Variants in ITGB6 observed in about 807,000 individuals in gnomAD.
The protein encoded by ITGB6 is integrin beta-6.
Under a neutral mutation model 84.5 loss-of-function variants are expected in ITGB6, and 80 were observed. That is an observed-to-expected ratio of 0.95 (90% confidence interval 0.79 to 1.14). The LOEUF (loss-of-function observed/expected upper bound fraction) is 1.14. Ranked by LOEUF, ITGB6 falls within the 50% of genes most tolerant of loss-of-function variation. ITGB6 has a pLI of 0.00. For missense variants in ITGB6, 1,006 were observed against 968.0 expected (o/e 1.04, Z -0.52); for synonymous variants, 383 against 354.9 (o/e 1.08, Z -0.89).
At chr2:160,184,406 A>G (rs1218853375) in intron 4 of ITGB6, among the ~76,000 whole-genome samples, 1 of 152,220 alleles carries the variant, frequency 6.6e-6, no homozygotes, top group Non-Finnish European at 1.5e-5. Flanking sequence ...CTGGACACAT[A>G]CACCCTCCCA....
intron 13 of ITGB6, among the ~76,000 whole-genome samples, chr2:160,110,622 A>G (rs73010509): frequency 3.9e-5 from 6 of 152,272 alleles, no homozygotes; most frequent in African/African-American, 9.6e-5. Context: ...AAGAAAGAAG[A>G]TGAAAGAAGC....
intron 4 of ITGB6, among the ~76,000 whole-genome samples, chr2:160,189,801 C>A (rs1429116654): frequency 6.6e-6 from 1 of 152,106 alleles, no homozygotes; most frequent in East Asian, 1.9e-4. Flanking sequence ...TGTGGCGATG[C>A]CTCAGGGATC....
At chr2:160,163,566 A>T (rs1024268320) in intron 7 of ITGB6, among the ~76,000 whole-genome samples, 2 of 152,030 alleles carry the variant, frequency 1.3e-5, no homozygotes, top group Non-Finnish European at 2.9e-5. Context: ...CAGGAGGCGA[A>T]GGTTGCAGTG....
chr2:160,176,432 G>C (rs922464509), intron 4 of ITGB6, among the ~76,000 whole-genome samples: 1 of 152,104 alleles, frequency 6.6e-6, no homozygotes, highest in African/African-American at 2.4e-5. Flanking sequence ...GTCGCTTCCA[G>C]GTAATTTTTA....
intron 4 of ITGB6, among the ~76,000 whole-genome samples, chr2:160,177,304 C>G (rs868855861): frequency 6.6e-6 from 1 of 152,086 alleles, no homozygotes; most frequent in East Asian, 1.9e-4. Context: ...CTGTGGCTCA[C>G]GCCTGTAATC....
chr2:160,174,973 A>T (rs1446198422), intron 4 of ITGB6, among the ~76,000 whole-genome samples: 1 of 152,236 alleles, frequency 6.6e-6, no homozygotes, highest in East Asian at 1.9e-4. Flanking sequence ...AGACCTGCTG[A>T]GTTAGCTATG....
At chr2:160,134,532 G>A (rs1683622534) in intron 10 of ITGB6, among the ~76,000 whole-genome samples, 1 of 152,104 alleles carries the variant, frequency 6.6e-6, no homozygotes, top group Non-Finnish European at 1.5e-5. Flanking sequence ...AGAAAAAGGG[G>A]GAATCCTCCC....
chr2:160,189,862 C>A (rs1228522781), intron 4 of ITGB6, among the ~76,000 whole-genome samples: 2 of 152,030 alleles, frequency 1.3e-5, no homozygotes, highest in Non-Finnish European at 2.9e-5. Flanking sequence ...GGGTATATAC[C>A]CAAAGGATTC....
chr2:160,120,806 C>T (rs1218167163), intron 12 of ITGB6, among the ~76,000 whole-genome samples: 15 of 146,368 alleles, frequency 1.0e-4, no homozygotes, highest in Admixed American at 9.9e-4. Flanking sequence ...CAAACTATCG[C>T]AAGGACAGAA....
At chr2:160,130,472 C>T (rs1008656370) in intron 10 of ITGB6, among the ~76,000 whole-genome samples, 4 of 152,030 alleles carry the variant, frequency 2.6e-5, no homozygotes, top group South Asian at 4.1e-4. Flanking sequence ...TACTGTAAGT[C>T]GAGCAACACA....
Position 160,126,728 on chromosome 2 carries a change from A to C in ITGB6, c.1661-127T>G, listed in dbSNP as rs915229170. 267 of 841,568 alleles carry C rather than the reference A, an allele frequency of 3.2e-4. 1 individual carries two copies. Among genetic ancestry groups the C allele is most frequent in the Middle Eastern group, 3.7e-4 (1 of 2,734 alleles). 52.1% of individuals were successfully genotyped at this position (841,568 alleles called of 1,614,324 possible). On this transcript the variant is annotated intron_variant, in intron 10 of 14. Coordinates refer to ENST00000283249, the MANE Select transcript of ITGB6 (RefSeq NM_000888.5). Reference sequence around the variant, plus strand: ...AAAGACAAGAAAAAAATGAGAAAAAAAGTATGTGTGTGAGGGGTGCAGTAT... The same window carrying C: ...AAAGACAAGAAAAAAATGAGAAAAACAGTATGTGTGTGAGGGGTGCAGTAT...
At chr2:160,112,531 G>T (rs1050347016) in intron 12 of ITGB6, among the ~76,000 whole-genome samples, 2 of 152,136 alleles carry the variant, frequency 1.3e-5, no homozygotes, top group African/African-American at 4.8e-5. Flanking sequence ...ATGGTAATGA[G>T]GGGGCTATAG....
chr2:160,123,655 A>C, intron 12 of ITGB6, 136 bp downstream of exon 12: 1 of 629,556 alleles, frequency 1.6e-6, no homozygotes, highest in Non-Finnish European at 2.8e-6. Context: ...ACTCTTAAAA[A>C]ATGAATGTGA....
chr2:160,195,253 A>G, intron 4 of ITGB6, 116 bp downstream of exon 4: 1 of 1,337,544 alleles, frequency 7.5e-7, no homozygotes, highest in Non-Finnish European at 1.0e-6. Flanking sequence ...CTGAGATCCA[A>G]CCAGACAAGG....
intron 7 of ITGB6, among the ~76,000 whole-genome samples, chr2:160,162,129 A>C (rs1684840974): frequency 6.6e-6 from 1 of 152,184 alleles, no homozygotes; most frequent in African/African-American, 2.4e-5. Context: ...CCAATAGATA[A>C]ATTCTCTATA....
rs201630297 is a variant in ITGB6, at chr2:160,137,549, A to G, written c.1545T>C (p.Gly515=). 1.9e-6 allele frequency: 3 copies of G among 1,614,032 alleles called. No individual in the cohort carries two copies. The Admixed American group carries it at 5.0e-5, about 27-fold the overall frequency. Residue 515 remains glycine (G), a synonymous_variant, in exon 10 of 15, where the codon GGT becomes GGC. Coordinates refer to ENST00000283249, the MANE Select transcript of ITGB6 (RefSeq NM_000888.5). ...AGATACACTGCCCACAGTAGCAGTC[A>G]CCCCTTCCGCTGCAGGAGGGATGAT... ...APDHPSCSGR[G]DCYCGQCICH...
intron 10 of ITGB6, among the ~76,000 whole-genome samples, chr2:160,134,861 C>A (rs28851292): frequency 7.9e-5 from 12 of 152,140 alleles, no homozygotes; most frequent in East Asian, 3.9e-4. Context: ...ACAGCACTTC[C>A]TGCTAAAAAC....
chr2:160,131,578 T>C (rs1423778245), intron 10 of ITGB6, among the ~76,000 whole-genome samples: 4 of 152,208 alleles, frequency 2.6e-5, no homozygotes, highest in African/African-American at 9.6e-5. Flanking sequence ...AGGTACTCCA[T>C]GACCATTTGT....
At chr2:160,119,530 GACTTACATGTTAGACCTAAA>G (rs1487517899) in intron 12 of ITGB6, among the ~76,000 whole-genome samples, 1 of 151,914 alleles carries the variant, frequency 6.6e-6, no homozygotes, top group African/African-American at 2.4e-5. Context: ...ATGGATTAAA[GACTTACATGTTAGACCTAAA>G]ACCATAAAAA....
Sources: gnomAD v4.1 joint callset for allele counts (sites outside exome capture counted in the v4.1 genomes callset) on GRCh38, gnomAD v4.1.1 for gene constraint, MANE v1.5 for transcripts, NCBI Gene and HGNC (gene_info 2026-07-23, HGNC 2026-07-21) for gene names.